The following RIMS2 variants were observed in gnomAD, a reference collection of about 807,000 sequenced individuals.
RIMS2 encodes regulating synaptic membrane exocytosis 2.
A neutral mutation model predicts 174.4 loss-of-function variants in RIMS2; 59 were observed. The ratio of observed to expected loss-of-function variants is 0.34; its 90% CI spans 0.27 to 0.42. The LOEUF (loss-of-function observed/expected upper bound fraction) is 0.42, where lower values mean the gene tolerates loss of function less well. Ranked by LOEUF, RIMS2 falls within the 10% of genes least tolerant of loss-of-function variation. RIMS2 has a pLI of 1.00. For missense variants in RIMS2, 1,620 were observed against 1,666.3 expected, an observed-to-expected ratio of 0.97 and a Z score of 0.48; for synonymous variants, 606 against 572.5, an observed-to-expected ratio of 1.06 and a Z score of -0.84.
At chr8:103,786,966 G>C (rs1009164462) in intron 3 of RIMS2, among the ~76,000 whole-genome samples, 1 of 151,300 alleles carries the variant, frequency 6.6e-6, no homozygotes. Flanking sequence ...TATATTGGGT[G>C]CATATATATT....
intron 1 of RIMS2, among the ~76,000 whole-genome samples, chr8:103,550,496 G>C (rs904558582): frequency 5.3e-5 from 8 of 152,132 alleles, no homozygotes; most frequent in Non-Finnish European, 7.4e-5. Flanking sequence ...GCCCACAAGA[G>C]AAAGCAGGAA....
chr8:104,182,560 C>G (rs1336871556), intron 19 of RIMS2, among the ~76,000 whole-genome samples: 1 of 151,786 alleles, frequency 6.6e-6, no homozygotes, highest in Non-Finnish European at 1.5e-5. Context: ...CCTCCCCTCA[C>G]CTTAATCAAC....
chr8:103,718,929 C>T (rs1234831534), intron 2 of RIMS2, among the ~76,000 whole-genome samples: 1 of 152,146 alleles, frequency 6.6e-6, no homozygotes, highest in Non-Finnish European at 1.5e-5. Context: ...GGATTACAGG[C>T]ATGAGCCACT....
At chr8:103,590,317 A>G (rs2094189977) in intron 1 of RIMS2, among the ~76,000 whole-genome samples, 2 of 151,472 alleles carry the variant, frequency 1.3e-5, no homozygotes, top group Non-Finnish European at 3.0e-5. Context: ...GCTTCAGGAT[A>G]CAAAAATCAT....
intron 2 of RIMS2, among the ~76,000 whole-genome samples, chr8:103,763,454 G>C (rs1464611103): frequency 6.6e-6 from 1 of 150,610 alleles, no homozygotes; most frequent in Non-Finnish European, 1.5e-5. Flanking sequence ...AAAAAAAGAA[G>C]AAGGAAGAAA....
intron 17 of RIMS2, among the ~76,000 whole-genome samples, chr8:104,010,954 G>A (rs1486156358): frequency 1.3e-5 from 2 of 152,050 alleles, no homozygotes; most frequent in East Asian, 1.9e-4. Flanking sequence ...AATATTTTAA[G>A]CCTTGCAAGT....
intron 1 of RIMS2, among the ~76,000 whole-genome samples, chr8:103,587,409 G>GAGAAAGAAAGAAAGAAAGA (rs370330667): frequency 2.6e-5 from 3 of 117,044 alleles, no homozygotes; most frequent in East Asian, 5.0e-4. Flanking sequence ...GAAGAAAAAA[G>GAGAAAGAAAGAAAGAAAGA]AAGAAAGAAA....
intron 19 of RIMS2, among the ~76,000 whole-genome samples, chr8:104,186,560 G>T (rs76087420): frequency 6.6e-6 from 1 of 151,722 alleles, no homozygotes; most frequent in Non-Finnish European, 1.5e-5. Context: ...AGAATTAGTA[G>T]CTCCCTTTGT....
intron 13 of RIMS2, among the ~76,000 whole-genome samples, chr8:103,939,654 C>T (rs1415910157): frequency 2.6e-5 from 4 of 152,220 alleles, no homozygotes; most frequent in African/African-American, 9.6e-5. Flanking sequence ...ATTTTCTTTT[C>T]TATCGCATTG....
chr8:104,067,296 T>C (rs947140522), intron 19 of RIMS2, among the ~76,000 whole-genome samples: 2 of 152,218 alleles, frequency 1.3e-5, no homozygotes, highest in African/African-American at 2.4e-5. Context: ...TTCACTAAGC[T>C]CATTTTTCCC....
At chr8:104,174,475 C>A (rs1179494563) in intron 19 of RIMS2, among the ~76,000 whole-genome samples, 1 of 151,996 alleles carries the variant, frequency 6.6e-6, no homozygotes, top group Non-Finnish European at 1.5e-5. Context: ...GGTTTACTGG[C>A]ATATTCATTT....
chr8:103,866,485 C>A (rs2099085033), intron 3 of RIMS2, among the ~76,000 whole-genome samples: 1 of 152,028 alleles, frequency 6.6e-6, no homozygotes, highest in Non-Finnish European at 1.5e-5. Context: ...TGCTTAACAC[C>A]TTATTTGTTT....
intron 19 of RIMS2, among the ~76,000 whole-genome samples, chr8:104,022,018 G>A (rs72683150): frequency 0.13 from 19,481 of 152,164 alleles, 1,700 homozygotes; most frequent in Non-Finnish European, 0.19. Context: ...TCAGTCGCAG[G>A]TCTGGATGGA....
At chr8:103,987,662 G>C (rs1033852358) in intron 16 of RIMS2, among the ~76,000 whole-genome samples, 4 of 152,052 alleles carry the variant, frequency 2.6e-5, no homozygotes, top group African/African-American at 9.7e-5. Context: ...AGAGGTTTCA[G>C]GATTGAAAGA....
chr8:103,864,591 T>A (rs1444079890), intron 3 of RIMS2, among the ~76,000 whole-genome samples: 1 of 152,238 alleles, frequency 6.6e-6, no homozygotes, highest in Non-Finnish European at 1.5e-5. Flanking sequence ...TATGCTAAAT[T>A]TATGACCTGA....
intron 1 of RIMS2, among the ~76,000 whole-genome samples, chr8:103,556,384 A>G (rs1341402443): frequency 1.3e-5 from 2 of 152,180 alleles, no homozygotes; most frequent in Non-Finnish European, 2.9e-5. Context: ...CAAATGTAAA[A>G]TGACATACTT....
At chr8:103,612,732 C>T (rs141245637) in intron 1 of RIMS2, among the ~76,000 whole-genome samples, 2 of 152,258 alleles carry the variant, frequency 1.3e-5, no homozygotes, top group East Asian at 1.9e-4. Flanking sequence ...GTGCGTGCCA[C>T]CATGCCTGGC....
chr8:103,584,783 C>A (rs2093814551), intron 1 of RIMS2, among the ~76,000 whole-genome samples: 1 of 152,054 alleles, frequency 6.6e-6, no homozygotes, highest in Admixed American at 6.5e-5. Flanking sequence ...CAGAGAAAAT[C>A]AACTTCACTG....
chr8:103,956,539 G>C (rs1390323712), intron 14 of RIMS2, among the ~76,000 whole-genome samples: 1 of 152,160 alleles, frequency 6.6e-6, no homozygotes, highest in Non-Finnish European at 1.5e-5. Context: ...CAGAAAAGTG[G>C]CTAGCCATAT....
Sources: allele counts gnomAD v4.1 joint callset (sites outside exome capture counted in the v4.1 genomes callset), GRCh38; gene constraint gnomAD v4.1.1; transcripts MANE v1.5; gene names NCBI Gene and HGNC (gene_info 2026-07-23, HGNC 2026-07-21).